BIRC6: variants seen among roughly 807,000 people sequenced by gnomAD.
BIRC6 encodes the protein dual E2 ubiquitin-conjugating enzyme/E3 ubiquitin-protein ligase BIRC6.
In BIRC6, 98 loss-of-function variants were observed where a neutral mutation model predicts 503.3. The observed-to-expected ratio is 0.19, with a 90% CI of 0.17 to 0.23. The LOEUF is 0.23. Ranked by LOEUF, BIRC6 falls within the 10% of genes least tolerant of loss-of-function variation. BIRC6 has a pLI of 1.00. For synonymous variants in BIRC6, 2,240 were observed against 2,078.7 expected, an observed-to-expected ratio of 1.08 and a Z score of -2.11; for missense variants, 5,360 against 5,806.0, an observed-to-expected ratio of 0.92 and a Z score of 2.50.
chr2:32,372,803 C>T (rs56212360), intron 1 of BIRC6, among the ~76,000 whole-genome samples: 2 of 151,930 alleles, frequency 1.3e-5, no homozygotes, highest in African/African-American at 4.8e-5. Flanking sequence ...ATATTCCAGC[C>T]TGAGTGACAT....
At chr2:32,445,422 A>T (rs1340322182) in intron 20 of BIRC6, 99 bp from the exon 21 acceptor site, 1 of 1,189,036 alleles carries the variant, frequency 8.4e-7, no homozygotes, top group African/African-American at 1.6e-5. Flanking sequence ...GTATCTTTCT[A>T]GCAAAAGGAA....
rs1301867580 is a variant in BIRC6 at position 32,467,631 on chromosome 2, A to T, written c.5463A>T (p.Thr1821=). The T allele has an allele frequency of 6.2e-7, 1 of 1,613,954 alleles. No homozygotes were observed. The highest frequency in any genetic ancestry group is 2.2e-5 in the East Asian group (1 of 44,864). Residue 1821 remains threonine (T), a synonymous_variant, in exon 27 of 74, where the codon ACA becomes ACT. Coordinates refer to ENST00000421745, the MANE Select transcript of BIRC6 (RefSeq NM_016252.4). ...DLASLSIDIW[T]LGEEVDGRRL... The stretch of plus-strand genomic sequence containing the variant: ...CCTCTTTGTCAATTGACATTTGGAC[A>T]TTAGGAGAAGAGGTGGATGGAAGGC...
chr2:32,388,701 A>T, intron 3 of BIRC6, 49 bp from the exon 4 acceptor site: 2 of 1,342,924 alleles, frequency 1.5e-6, no homozygotes, highest in Middle Eastern at 1.9e-4. Context: ...GATTTTGGTT[A>T]AAACTGTTGA....
At chr2:32,399,679 A>G (rs2149711981) in intron 6 of BIRC6, among the ~76,000 whole-genome samples, 1 of 152,358 alleles carries the variant, frequency 6.6e-6, no homozygotes, top group South Asian at 2.1e-4. Flanking sequence ...TTGAGCAGAT[A>G]GGTGCTAAGT....
chr2:32,414,376 A>G (rs2042204803), intron 9 of BIRC6, among the ~76,000 whole-genome samples: 1 of 151,600 alleles, frequency 6.6e-6, no homozygotes, highest in African/African-American at 2.4e-5. Flanking sequence ...TGCACTTTAA[A>G]TTTTTTTAGG....
Position 32,507,960 on chromosome 2 carries a change from T to A in BIRC6, c.9701-20T>A, listed in dbSNP as rs756919262. On this transcript the variant is annotated intron_variant, in intron 50 of 73. Transcript: ENST00000421745. Reference sequence around the variant, plus strand: ...AGTATACTTTGTCTTTTGTGATGATTCAGTTTTCTCTTTTTATAGCCTGCC... The same window carrying A: ...AGTATACTTTGTCTTTTGTGATGATACAGTTTTCTCTTTTTATAGCCTGCC... The A allele has an allele frequency of 6.2e-7, 1 of 1,604,158 alleles. No homozygotes were observed.
At chr2:32,611,643 A>C in intron 73 of BIRC6, 61 bp downstream of exon 73, 1 of 1,385,686 alleles carries the variant, frequency 7.2e-7, no homozygotes. Flanking sequence ...TATTGACAGA[A>C]CCATGCCTAC....
At chr2:32,431,704 T>G (rs2044141315) in intron 12 of BIRC6, among the ~76,000 whole-genome samples, 1 of 152,360 alleles carries the variant, frequency 6.6e-6, no homozygotes, top group South Asian at 2.1e-4. Context: ...TTTGGTCACT[T>G]AGTCCACAGA....
intron 65 of BIRC6, among the ~76,000 whole-genome samples, chr2:32,554,265 A>T (rs1174500125): frequency 6.6e-6 from 1 of 152,108 alleles, no homozygotes; most frequent in Non-Finnish European, 1.5e-5. Flanking sequence ...CCTTTTTAAT[A>T]GTGGTCTTAT....
chr2:32,431,181 CTTTTTTTTTTTT>C (rs10610125), intron 12 of BIRC6, 91 bp downstream of exon 12: 396 of 69,314 alleles, frequency 5.7e-3, no homozygotes, highest in Middle Eastern at 0.034. Context: ...TACTGTTTAT[CTTTTTTTTTTTT>C]TTTTTTTTTT....
At chr2:32,409,931 A>G (rs1164926675) in intron 9 of BIRC6, among the ~76,000 whole-genome samples, 1 of 152,190 alleles carries the variant, frequency 6.6e-6, no homozygotes, top group Non-Finnish European at 1.5e-5. Context: ...TCTGAGTAGA[A>G]TGTATAGTTT....
In BIRC6 at chr2:32,501,837, G is replaced by T. The variant is rs758975775; in HGVS notation, c.9156G>T (p.Met3052Ile). The T allele has an allele frequency of 6.2e-7, 1 of 1,613,830 alleles. No homozygotes were observed. The highest frequency in any genetic ancestry group is 1.7e-5 in the Admixed American group (1 of 59,978). ...TLSKKASTVH[M>I]MLQPILTYMA... ...GTAAAAAAGCTTCTACAGTCCACAT[G>T]ATGCTGCAGCCAATTTTAACATACA... Residue 3052 changes from methionine (M) to isoleucine (I), a missense_variant, in exon 47 of 74, where the codon ATG becomes ATT. By Grantham distance (10) the Met-to-Ile change is conservative. Transcript: ENST00000421745.
chr2:32,374,723 CG>C (rs887472648), intron 1 of BIRC6, among the ~76,000 whole-genome samples: 1 of 152,036 alleles, frequency 6.6e-6, no homozygotes, highest in African/African-American at 2.4e-5. Flanking sequence ...CCACCTGCCT[CG>C]GCCTCCCAAA....
intron 65 of BIRC6, among the ~76,000 whole-genome samples, chr2:32,553,928 C>T (rs180818150): frequency 1.3e-5 from 2 of 152,156 alleles, no homozygotes; most frequent in Admixed American, 1.3e-4. Context: ...ATTTCTTTCT[C>T]AACATTTTCA....
chr2:32,497,669 T>G (rs2052633384), intron 45 of BIRC6, among the ~76,000 whole-genome samples: 1 of 152,216 alleles, frequency 6.6e-6, no homozygotes, highest in Admixed American at 6.5e-5. Context: ...TCTATAAGTT[T>G]CCTTCATTTC....
Position 32,443,417 on chromosome 2 carries a change from A to G in BIRC6, c.4239-74A>G, listed in dbSNP as rs186370808. 5.5e-4 allele frequency: 541 copies of G among 990,284 alleles called. 3 individuals are homozygous for G. The African/African-American group carries it at 7.3e-3, about 13-fold the overall frequency. The allele number at this position is 990,284 out of a possible 1,614,324, so 61.3% of individuals were successfully genotyped here. ...GAATACATTTTAAAGATTTTTAGGT[A>G]CCACACCAGGTTTAGGGTTGAATTT... is the stretch of plus-strand genomic sequence containing the variant. On this transcript the variant is annotated intron_variant, in intron 19 of 73. Transcript: ENST00000421745.
intron 40 of BIRC6, among the ~76,000 whole-genome samples, chr2:32,487,011 G>GA (rs942160193): frequency 1.0e-3 from 152 of 145,668 alleles, no homozygotes; most frequent in Middle Eastern, 7.0e-3. Flanking sequence ...AAGGATATTT[G>GA]AAAAAAAAAA....
chr2:32,467,505 G>GT lies in BIRC6; in HGVS notation c.5357-17dup. The GT allele has an allele frequency of 1.9e-6, 3 of 1,603,108 alleles. No homozygotes were observed. The highest frequency in any genetic ancestry group is 2.6e-6 in the Non-Finnish European group (3 of 1,170,984). On this transcript the variant is annotated intron_variant, in intron 26 of 73. Transcript: ENST00000421745. The stretch of plus-strand genomic sequence containing the variant: ...TTAATTGATATATTTTTGGTCAACT[G>GT]TTTCTTCTTTCTCTCATAGGAGCAA...
intron 46 of BIRC6, among the ~76,000 whole-genome samples, chr2:32,501,135 A>G (rs1572650141): frequency 6.6e-6 from 1 of 152,172 alleles, no homozygotes; most frequent in Admixed American, 6.5e-5. Flanking sequence ...CATTACATTA[A>G]ATTTTTAAAA....
Sources: allele counts gnomAD v4.1 joint callset (sites outside exome capture counted in the v4.1 genomes callset), GRCh38; gene constraint gnomAD v4.1.1; transcripts MANE v1.5; gene names NCBI Gene and HGNC (gene_info 2026-07-23, HGNC 2026-07-21).